WSB2: variants seen among roughly 807,000 people sequenced by gnomAD.
WSB2 encodes WD repeat and SOCS box-containing protein 2.
Under a neutral mutation model 48.8 loss-of-function variants are expected in WSB2, and 12 were observed. That is an observed-to-expected ratio of 0.25 (90% confidence interval 0.16 to 0.40). The LOEUF (loss-of-function observed/expected upper bound fraction) is 0.40. WSB2 is among the 10% of genes least tolerant of loss of function. The probability of loss-of-function intolerance (pLI) is 1.00; values close to 1 mark genes in which losing one functional copy is unlikely to be tolerated. For missense variants in WSB2, 317 were observed against 506.2 expected, an observed-to-expected ratio of 0.63 and a Z score of 3.59; for synonymous variants, 191 against 203.1, an observed-to-expected ratio of 0.94 and a Z score of 0.51.
At position 118,052,728 on chromosome 12, in the gene WSB2, T is replaced by TGGA; in HGVS notation, c.14-253_14-251dup. The stretch of plus-strand genomic sequence containing the variant: ...CCTTTGTGCCCATGAACCCAGTGAA[T>TGGA]GGAGGCCTCATTTTCCTATGAATAC... On this transcript the variant is annotated intron_variant, in intron 1 of 8. Transcript: ENST00000315436. The TGGA allele has an allele frequency of 1.1e-5, 6 of 546,738 alleles. No individual in the cohort carries two copies. The South Asian group carries it at 1.5e-4, about 14-fold the overall frequency. 33.9% of individuals were successfully genotyped at this position (546,738 alleles called of 1,614,324 possible). A position where few individuals can be genotyped will look rare whatever the true frequency, so the allele number is the denominator to read the frequency against.
At chr12:118,046,584 C>T (rs780822193) in intron 2 of WSB2, among the ~76,000 whole-genome samples, 22 of 152,150 alleles carry the variant, frequency 1.4e-4, no homozygotes, top group Non-Finnish European at 2.9e-4. Context: ...AATGTCACTT[C>T]GATCGGCTGC....
intron 6 of WSB2, chr12:118,035,672 GAC>G (rs2031494819): frequency 5.0e-6 from 1 of 199,298 alleles, no homozygotes; most frequent in African/African-American, 2.3e-5. Context: ...TAAAACAACA[GAC>G]ACAAAAGGAA....
chr12:118,037,664 G>A (rs201007359), intron 5 of WSB2, among the ~76,000 whole-genome samples: 1 of 137,916 alleles, frequency 7.3e-6, no homozygotes, highest in Non-Finnish European at 1.5e-5. Context: ...GCGAAACTCT[G>A]TCTAAAAAAA....
Position 118,042,942 on chromosome 12 carries a change from T to G in WSB2, c.458A>C (p.Gln153Pro). The change falls in exon 4 of 9, where the codon CAA becomes CCA. Residue 153 changes from glutamine to proline, a missense_variant. By Grantham distance (76) the Gln-to-Pro change is moderately conservative. This residue lies in a region of WSB2 where 189 missense variants were observed against 349.6 expected (regional missense o/e 0.54). Transcript: ENST00000315436. ...GAAGCTCAGATCTCTCACGACATCTTGGTGGCCGGAAAGATTCAAAAGCAG... is the reference window on the plus strand; with the variant it reads ...GAAGCTCAGATCTCTCACGACATCTGGGTGGCCGGAAAGATTCAAAAGCAG... Reference protein sequence around the residue: ...GLLLLNLSGHQDVVRDLSFTP... With the variant: ...GLLLLNLSGHPDVVRDLSFTP... 1 of 1,614,140 alleles carries G rather than the reference T, an allele frequency of 6.2e-7. No individual in the cohort carries two copies. The highest frequency in any genetic ancestry group is 8.5e-7 in the Non-Finnish European group (1 of 1,180,024).
In WSB2 at chr12:118,052,442, C is replaced by T. The variant is rs774503067; in HGVS notation, c.50G>A (p.Arg17His). Residue 17 changes from arginine to histidine, a missense_variant, in exon 2 of 9, where the codon CGC becomes CAC. Physicochemically the swap from Arg to His is conservative, Grantham distance 29. Around this residue, in one of 2 missense-constraint regions of WSB2, gnomAD observed 128 missense variants for 156.7 expected, o/e 0.82. Transcript: ENST00000315436. ...PLLLAELKPG[R>H]PHQFDWKSSC... Reference sequence around the variant, plus strand: ...GGACTTCCAATCAAACTGGTGGGGGCGCCCGGGCTTGAGTTCGGCCAGCAG... The same window carrying T: ...GGACTTCCAATCAAACTGGTGGGGGTGCCCGGGCTTGAGTTCGGCCAGCAG... The T allele has an allele frequency of 5.6e-6, 9 of 1,614,128 alleles. No individual in the cohort carries two copies. Among genetic ancestry groups the T allele is most frequent in the South Asian group, 3.3e-5 (3 of 91,072 alleles).
chr12:118,038,211 GA>G lies in WSB2; in HGVS notation c.660+76del. The G allele has an allele frequency of 1.4e-6, 2 of 1,380,526 alleles. 1 individual carries two copies. Among genetic ancestry groups the G allele is most frequent in the South Asian group, 2.9e-5 (2 of 69,178 alleles). The allele number at this position is 1,380,526 out of a possible 1,614,324, so 85.5% of individuals were successfully genotyped here. A position where few individuals can be genotyped will look rare whatever the true frequency, so the allele number is the denominator to read the frequency against. ...GGGGTGGATTTGCGGACGATTTTGAGAACACTCACACACACCAGGCCACCAC... is the reference window on the plus strand; with the variant it reads ...GGGGTGGATTTGCGGACGATTTTGAGACACTCACACACACCAGGCCACCAC... On this transcript the variant is annotated intron_variant, in intron 5 of 8. Transcript: ENST00000315436.
chr12:118,040,893 C>G (rs183542798), intron 4 of WSB2, among the ~76,000 whole-genome samples: 15 of 152,274 alleles, frequency 9.9e-5, no homozygotes, highest in African/African-American at 3.6e-4. Flanking sequence ...ACTAAAAATA[C>G]AAAACATTAG....
chr12:118,034,774 C>T, intron 8 of WSB2: 1 of 574,298 alleles, frequency 1.7e-6, no homozygotes, highest in Non-Finnish European at 3.0e-6. Context: ...GGTGGCATGA[C>T]TTACAGATCT....
At chr12:118,051,785 C>T (rs2137791757) in intron 2 of WSB2, among the ~76,000 whole-genome samples, 1 of 152,290 alleles carries the variant, frequency 6.6e-6, no homozygotes, top group East Asian at 1.9e-4. Flanking sequence ...ACCAGCCTGG[C>T]CAACATGGCG....
intron 2 of WSB2, among the ~76,000 whole-genome samples, chr12:118,045,403 A>G (rs1828974428): frequency 2.0e-5 from 3 of 150,874 alleles, no homozygotes; most frequent in South Asian, 4.2e-4. Context: ...CATTTACAAA[A>G]TTAGAAGGGA....
chr12:118,049,012 C>T (rs1329496329), intron 2 of WSB2, among the ~76,000 whole-genome samples: 1 of 152,164 alleles, frequency 6.6e-6, no homozygotes, highest in Non-Finnish European at 1.5e-5. Flanking sequence ...TTTATCTATA[C>T]AAATTTGAAA....
chr12:118,042,679 G>T, intron 4 of WSB2, 162 bp downstream of exon 4: 3 of 1,066,646 alleles, frequency 2.8e-6, no homozygotes, highest in Non-Finnish European at 4.0e-6. Context: ...CTTTGGGGCG[G>T]GCAGGGGCGA....
In WSB2 at chr12:118,034,985, C is replaced by A; in HGVS notation, c.1052+1G>T. The A allele has an allele frequency of 6.2e-7, 1 of 1,614,030 alleles. No homozygotes were observed. The highest frequency in any genetic ancestry group is 8.5e-7 in the Non-Finnish European group (1 of 1,179,914). On this transcript the variant is annotated splice_donor_variant, in intron 8 of 8. Transcript: ENST00000315436. LOFTEE classifies it high-confidence loss of function. Reference sequence around the variant, plus strand: ...CATCTGTTCAGCTAACAAATACATACCCTGTGGCAATGACTCCACCATGTG... The same window carrying A: ...CATCTGTTCAGCTAACAAATACATAACCTGTGGCAATGACTCCACCATGTG...
chr12:118,048,466 T>A (rs1566140427), intron 2 of WSB2, among the ~76,000 whole-genome samples: 1 of 151,896 alleles, frequency 6.6e-6, no homozygotes, highest in Non-Finnish European at 1.5e-5. Context: ...GGCACACGCC[T>A]GTAATCCCAG....
intron 1 of WSB2, among the ~76,000 whole-genome samples, chr12:118,053,105 A>T (rs2031886269): frequency 6.6e-6 from 1 of 152,060 alleles, no homozygotes; most frequent in African/African-American, 2.4e-5. Flanking sequence ...ACCCCTAGAG[A>T]TGCTGCTAAA....
At chr12:118,052,671 C>T in intron 1 of WSB2, 193 bp from the exon 2 acceptor site, 1 of 765,018 alleles carries the variant, frequency 1.3e-6, no homozygotes, top group Non-Finnish European at 2.1e-6. Context: ...TCCTGGCACT[C>T]CTCACTGCTG....
In WSB2 at chr12:118,060,706, G is replaced by A. The variant is rs1165740767; in HGVS notation, c.13+330C>T. On this transcript the variant is annotated intron_variant, in intron 1 of 8. Transcript: ENST00000315436. The surrounding 1 kb of genome is among the most constrained non-coding windows in gnomAD (Gnocchi z 4.1). ...GGCACCCACCCCCTTGGGGATCTCC[G>A]TTTTAGGGCTTGGTGCCCCCCGCCC... Among the ~76,000 whole-genome samples the A allele has an allele frequency of 2.0e-5, 3 of 151,996 alleles. No individual in the cohort carries two copies. The highest frequency in any genetic ancestry group is 3.9e-4 in the East Asian group (2 of 5,150).
In WSB2 at chr12:118,034,090, G is replaced by T. The variant is rs1376117343; in HGVS notation, c.*106C>A. On this transcript the variant is annotated 3_prime_UTR_variant, in exon 9 of 9. Transcript: ENST00000315436. ...GCTACATTCTATTCACAATCCCAAA[G>T]AAATGCTATTTCAATGCAAGACCAG... is the stretch of plus-strand genomic sequence containing the variant. 2.8e-6 allele frequency: 4 copies of T among 1,446,564 alleles called. No homozygotes were observed. Among genetic ancestry groups the T allele is most frequent in the Non-Finnish European group, 2.9e-6 (3 of 1,046,496 alleles). 89.6% of individuals were successfully genotyped at this position (1,446,564 alleles called of 1,614,324 possible).
Position 118,033,252 on chromosome 12 carries a change from T to C in WSB2, c.*944A>G, listed in dbSNP as rs1284802900. On this transcript the variant is annotated 3_prime_UTR_variant, in exon 9 of 9. Transcript: ENST00000315436. Reference sequence around the variant, plus strand: ...AACCAGCTGATTAATCCAATGAAGTTAAACAGCAGAGACAGATCTCGTACA... The same window carrying C: ...AACCAGCTGATTAATCCAATGAAGTCAAACAGCAGAGACAGATCTCGTACA... 6.6e-6 allele frequency: 1 copy of C among 152,490 alleles called. No homozygotes were observed. Among genetic ancestry groups the C allele is most frequent in the East Asian group, 1.9e-4 (1 of 5,200 alleles). The allele number at this position is 152,490 out of a possible 1,614,324, so 9.4% of individuals were successfully genotyped here.
Sources: allele counts gnomAD v4.1 joint callset (sites outside exome capture counted in the v4.1 genomes callset), GRCh38; gene constraint gnomAD v4.1.1; regional missense constraint gnomAD v4.1.1; non-coding constraint Gnocchi (gnomAD v3.1); transcripts MANE v1.5; gene names NCBI Gene and HGNC (gene_info 2026-07-23, HGNC 2026-07-21).